The following INSC variants were observed in gnomAD, a reference collection of about 807,000 sequenced individuals.
INSC encodes the protein INSC spindle orientation adaptor protein, also known as protein inscuteable homolog.
INSC carries 67 observed loss-of-function variants against 58.6 expected under a neutral mutation model. The observed-to-expected ratio is 1.14, with a 90% CI of 0.94 to 1.40. INSC has a LOEUF of 1.40. INSC is among the 40% of genes most tolerant of loss of function. The pLI is 0.00. For synonymous variants in INSC, 262 were observed against 276.1 expected (o/e 0.95, Z 0.51); for missense variants, 714 against 692.0 (o/e 1.03, Z -0.36).
chr11:15,229,590 G>T (rs1851768272), intron 9 of INSC, among the ~76,000 whole-genome samples: 1 of 151,982 alleles, frequency 6.6e-6, no homozygotes, highest in Admixed American at 6.6e-5. Flanking sequence ...TCATTATGAT[G>T]ATTAGATGGG....
intron 1 of INSC, among the ~76,000 whole-genome samples, chr11:15,135,813 A>G (rs986187961): frequency 6.6e-6 from 1 of 152,168 alleles, no homozygotes; most frequent in African/African-American, 2.4e-5. Flanking sequence ...GTTTATAGTG[A>G]ACAGAAATTT....
At chr11:15,187,024 G>T (rs1849993802) in intron 5 of INSC, among the ~76,000 whole-genome samples, 1 of 152,214 alleles carries the variant, frequency 6.6e-6, no homozygotes, top group Non-Finnish European at 1.5e-5. Context: ...GTGCTAGACA[G>T]TGGTATTCAC....
downstream of INSC, among the ~76,000 whole-genome samples, chr11:15,250,002 C>A (rs1284612162): frequency 2.6e-5 from 4 of 152,172 alleles, no homozygotes; most frequent in Admixed American, 2.6e-4. Flanking sequence ...CTAAAGCATA[C>A]ACATTGCCTG....
intron 1 of INSC, among the ~76,000 whole-genome samples, chr11:15,133,825 A>G (rs558741837): frequency 6.6e-6 from 1 of 152,340 alleles, no homozygotes; most frequent in South Asian, 2.1e-4. Context: ...GCTCAGTAAT[A>G]TATTTAAAAA....
chr11:15,114,345 G>A (rs142249635), upstream of INSC, among the ~76,000 whole-genome samples: 1,947 of 152,242 alleles, frequency 0.013, 21 homozygotes, highest in South Asian at 0.049. Context: ...CCAAGATGTG[G>A]AGGGTGACTT....
intron 2 of INSC, among the ~76,000 whole-genome samples, chr11:15,164,620 ATGCT>A (rs1849132825): frequency 6.6e-6 from 1 of 152,164 alleles, no homozygotes; most frequent in African/African-American, 2.4e-5. Flanking sequence ...TTCCCATACT[ATGCT>A]TTCCAGTAAA....
chr11:15,168,881 A>G lies in INSC; in HGVS notation c.57-6860A>G, dbSNP rs61877975. 1.8e-3 allele frequency among the ~76,000 whole-genome samples: 275 copies of G among 152,244 alleles called. 1 individual carries two copies. The highest frequency in any genetic ancestry group is 2.7e-3 in the Non-Finnish European group (182 of 68,014). ...TGTTGACCTTATGAAAATGTATTGA[A>G]CTGTAGCTCAATATTATGATGTGTT... On this transcript the variant is annotated intron_variant, in intron 2 of 12. Transcript: ENST00000379556.
At position 15,148,586 on chromosome 11, in the gene INSC, A is replaced by G. The variant is rs16931069; in HGVS notation, c.-45-544A>G. Among the ~76,000 whole-genome samples the G allele has an allele frequency of 8.3e-3, 1,270 of 152,140 alleles. 18 individuals are homozygous for G. Among genetic ancestry groups the G allele is most frequent in the African/African-American group, 0.028 (1,177 of 41,508 alleles). On this transcript the variant is annotated intron_variant, in intron 1 of 12. Coordinates refer to ENST00000379556, the MANE Select transcript of INSC (RefSeq NM_001042536.3). ...AACCAATCACTGGCAATTTGGGTGC[A>G]ATTACATCATCTGAAGTGGAATGGA... is the stretch of plus-strand genomic sequence containing the variant.
At chr11:15,210,664 G>A (rs1440273596) in intron 7 of INSC, among the ~76,000 whole-genome samples, 3 of 152,056 alleles carry the variant, frequency 2.0e-5, no homozygotes, top group African/African-American at 7.2e-5. Context: ...ACACAGTGCT[G>A]TTGCTGGGGA....
chr11:15,209,261 CT>C (rs1850927167), intron 7 of INSC, among the ~76,000 whole-genome samples: 2 of 152,212 alleles, frequency 1.3e-5, no homozygotes, highest in African/African-American at 4.8e-5. Flanking sequence ...CCTTGCACCC[CT>C]CTGAGCCCCA....
intron 10 of INSC, 44 bp downstream of exon 10, chr11:15,235,712 T>C: frequency 6.7e-7 from 1 of 1,487,166 alleles, no homozygotes; most frequent in Non-Finnish European, 9.4e-7. Flanking sequence ...ATTATCTGGA[T>C]GTAGGGGACT....
At chr11:15,119,652 G>A (rs1226702640) in intron 1 of INSC, among the ~76,000 whole-genome samples, 6 of 152,234 alleles carry the variant, frequency 3.9e-5, no homozygotes, top group Non-Finnish European at 8.8e-5. Context: ...CCTGTGGTTG[G>A]AGGGTGTAAG....
chr11:15,194,696 C>T (rs1850307608), intron 6 of INSC, among the ~76,000 whole-genome samples: 1 of 152,124 alleles, frequency 6.6e-6, no homozygotes, highest in Non-Finnish European at 1.5e-5. Flanking sequence ...CATGTTGTTA[C>T]CATCAACAGT....
chr11:15,149,582 C>T (rs1370086907), intron 2 of INSC, among the ~76,000 whole-genome samples: 1 of 152,038 alleles, frequency 6.6e-6, no homozygotes, highest in African/African-American at 2.4e-5. Flanking sequence ...TCTCTTTTGC[C>T]CAGAGCATCA....
intron 1 of INSC, among the ~76,000 whole-genome samples, chr11:15,125,231 G>T (rs1182564960): frequency 6.6e-6 from 1 of 152,184 alleles, no homozygotes; most frequent in Non-Finnish European, 1.5e-5. Context: ...CAAAGTCCCT[G>T]AGGCATGCTT....
intron 12 of INSC, among the ~76,000 whole-genome samples, chr11:15,243,844 C>T (rs1390668245): frequency 6.6e-6 from 1 of 151,842 alleles, no homozygotes; most frequent in Non-Finnish European, 1.5e-5. Flanking sequence ...CCTATTATCT[C>T]CCCTCCCCCT....
intron 2 of INSC, among the ~76,000 whole-genome samples, chr11:15,170,961 C>T (rs558505063): frequency 5.3e-5 from 8 of 152,304 alleles, no homozygotes; most frequent in Non-Finnish European, 7.3e-5. Context: ...AGTGCTGAAT[C>T]GATTAGGAGT....
At chr11:15,206,208 T>A (rs895382246) in intron 7 of INSC, among the ~76,000 whole-genome samples, 8 of 152,204 alleles carry the variant, frequency 5.3e-5, no homozygotes, top group African/African-American at 1.9e-4. Context: ...CAGACAGTGG[T>A]AAGGGCTGTC....
At chr11:15,203,035 T>G (rs1850654592) in intron 7 of INSC, among the ~76,000 whole-genome samples, 1 of 152,220 alleles carries the variant, frequency 6.6e-6, no homozygotes, top group African/African-American at 2.4e-5. Flanking sequence ...GTCCTTTCAT[T>G]AATGCACCAG....
Sources: allele counts gnomAD v4.1 joint callset (sites outside exome capture counted in the v4.1 genomes callset), GRCh38; gene constraint gnomAD v4.1.1; transcripts MANE v1.5; gene names NCBI Gene and HGNC (gene_info 2026-07-23, HGNC 2026-07-21).